The following LARP4B variants were observed in gnomAD, a reference collection of about 807,000 sequenced individuals.
LARP4B encodes the protein La ribonucleoprotein 4B, also known as la-related protein 4B.
In LARP4B, 12 loss-of-function variants were observed where a neutral mutation model predicts 89.8. The observed-to-expected ratio is 0.13, with a 90% CI of 0.09 to 0.22. The LOEUF (loss-of-function observed/expected upper bound fraction) is 0.22, where lower values mean the gene tolerates loss of function less well. LARP4B is among the 10% of genes least tolerant of loss of function. The probability of loss-of-function intolerance (pLI) is 1.00; values close to 1 mark genes in which losing one functional copy is unlikely to be tolerated. For synonymous variants in LARP4B, 367 were observed against 363.3 expected, an observed-to-expected ratio of 1.01 and a Z score of -0.12; for missense variants, 757 against 947.7, an observed-to-expected ratio of 0.80 and a Z score of 2.64.
At chr10:833,081 G>A (rs1195539636) in intron 8 of LARP4B, among the ~76,000 whole-genome samples, 1 of 151,858 alleles carries the variant, frequency 6.6e-6, no homozygotes, top group Non-Finnish European at 1.5e-5. Context: ...AGGTAAAGAG[G>A]CATGGTGCTC....
intron 5 of LARP4B, among the ~76,000 whole-genome samples, chr10:859,986 C>T (rs1254029783): frequency 6.6e-6 from 1 of 151,914 alleles, no homozygotes; most frequent in East Asian, 1.9e-4. Flanking sequence ...ACCCACAGAA[C>T]GTACAACACC....
the LARP4B span, among the ~76,000 whole-genome samples, chr10:959,480 A>C: frequency 6.6e-5 from 1 of 15,062 alleles, no homozygotes; most frequent in African/African-American, 2.5e-4. Flanking sequence ...CCCGTCAACC[A>C]CCTCCCCGTC....
chr10:922,348 CT>C (rs1837004410), intron 1 of LARP4B, among the ~76,000 whole-genome samples: 1 of 152,164 alleles, frequency 6.6e-6, no homozygotes, highest in African/African-American at 2.4e-5. Context: ...GTCGGACAAC[CT>C]GGGAGTTAGG....
At chr10:840,186 A>G (rs1305851218) in intron 7 of LARP4B, among the ~76,000 whole-genome samples, 1 of 152,156 alleles carries the variant, frequency 6.6e-6, no homozygotes, top group Non-Finnish European at 1.5e-5. Flanking sequence ...TCATGGGTGT[A>G]TAAATATGTT....
At chr10:909,095 T>A (rs191782158) in intron 1 of LARP4B, among the ~76,000 whole-genome samples, 5 of 151,642 alleles carry the variant, frequency 3.3e-5, no homozygotes, top group Non-Finnish European at 7.4e-5. Flanking sequence ...GAGATCAAGA[T>A]CATCCTGGCT....
intron 3 of LARP4B, among the ~76,000 whole-genome samples, chr10:866,631 C>T (rs1206905006): frequency 2.0e-5 from 3 of 152,312 alleles, no homozygotes; most frequent in South Asian, 2.1e-4. Context: ...CCTAATTAGA[C>T]CCAGTCTGTT....
At chr10:984,307 A>G in the LARP4B span, among the ~76,000 whole-genome samples, 7 of 152,240 alleles carry the variant, frequency 4.6e-5, no homozygotes, top group Non-Finnish European at 1.0e-4. Flanking sequence ...ATTTAGAATC[A>G]TTTGGAAATT....
rs532269334 is a variant in LARP4B, at chr10:867,896, C to T, written c.142-3626G>A. On this transcript the variant is annotated intron_variant, in intron 3 of 17. Coordinates refer to ENST00000316157, the MANE Select transcript of LARP4B (RefSeq NM_015155.3). ...AAAAAAAAAAAAAAAACTCCAGTGT[C>T]GTCTGCTTGACTATAAGTCTTATTT... Among the ~76,000 whole-genome samples, 569 of 145,678 alleles carry T rather than the reference C, an allele frequency of 3.9e-3. 1 individual carries two copies. Among genetic ancestry groups the T allele is most frequent in the Non-Finnish European group, 6.6e-3 (439 of 66,754 alleles).
intron 5 of LARP4B, among the ~76,000 whole-genome samples, chr10:859,234 G>C (rs911663621): frequency 1.3e-5 from 2 of 149,670 alleles, no homozygotes; most frequent in Non-Finnish European, 1.5e-5. Context: ...AGCTGAGATT[G>C]CTCCAGTGCA....
rs947404 is a variant in LARP4B, at chr10:877,035, A to T, written c.141+7412T>A. ...CTGAGGTGACTAAGGAGCAATGCAC[A>T]GGATGTGGGGAGCAGAGGTCCGAGG... On this transcript the variant is annotated intron_variant, in intron 3 of 17. Coordinates refer to ENST00000316157, the MANE Select transcript of LARP4B (RefSeq NM_015155.3). Among the ~76,000 whole-genome samples, 9 of 152,298 alleles carry T rather than the reference A, an allele frequency of 5.9e-5. No homozygotes were observed. The South Asian group carries it at 1.0e-3, about 18-fold the overall frequency.
chr10:879,325 T>C (rs1835578727), intron 3 of LARP4B, among the ~76,000 whole-genome samples: 1 of 152,184 alleles, frequency 6.6e-6, no homozygotes, highest in Non-Finnish European at 1.5e-5. Context: ...CTGGGGCAAG[T>C]TCTCCGAAGT....
intron 1 of LARP4B, among the ~76,000 whole-genome samples, chr10:915,720 C>T (rs952016452): frequency 2.2e-4 from 33 of 148,532 alleles, no homozygotes; most frequent in Non-Finnish European, 4.4e-4. Context: ...AAGAGAATAG[C>T]GACTCAGGAG....
At chr10:879,559 G>A (rs1372604491) in intron 3 of LARP4B, among the ~76,000 whole-genome samples, 1 of 151,446 alleles carries the variant, frequency 6.6e-6, no homozygotes, top group Admixed American at 6.6e-5. Context: ...GTGCAGTGGT[G>A]CAATCACAGC....
At chr10:923,197 T>C (rs933990626) in intron 1 of LARP4B, among the ~76,000 whole-genome samples, 9 of 152,248 alleles carry the variant, frequency 5.9e-5, no homozygotes, top group Admixed American at 3.3e-4. Context: ...TAAATGTTTT[T>C]AACCTCCTAA....
chr10:931,884 T>C (rs1239533264), upstream of LARP4B, among the ~76,000 whole-genome samples: 1 of 150,618 alleles, frequency 6.6e-6, no homozygotes, highest in Non-Finnish European at 1.5e-5. Context: ...CGCCGCCTTC[T>C]TGGCCTCTCC....
chr10:895,566 G>A (rs192705502), intron 1 of LARP4B, among the ~76,000 whole-genome samples: 21 of 151,684 alleles, frequency 1.4e-4, no homozygotes, highest in African/African-American at 5.1e-4. Flanking sequence ...CCAGCTACTC[G>A]GGAGGCTGAA....
chr10:837,401 C>T (rs1210435390), intron 7 of LARP4B, among the ~76,000 whole-genome samples: 6 of 152,128 alleles, frequency 3.9e-5, no homozygotes, highest in African/African-American at 1.4e-4. Flanking sequence ...GAATTCTTCT[C>T]GAGTGAATTT....
At chr10:971,195 A>G in the LARP4B span, 31 of 152,352 alleles carry the variant, frequency 2.0e-4, no homozygotes, top group African/African-American at 7.2e-4. Context: ...TTTGGTTCTA[A>G]TATCAAAGCA....
the LARP4B span, among the ~76,000 whole-genome samples, chr10:937,746 C>T: frequency 1.3e-5 from 2 of 152,180 alleles, no homozygotes; most frequent in Non-Finnish European, 1.5e-5. Flanking sequence ...ACAATGAACA[C>T]TTCAGGAAGT....
Sources: allele counts gnomAD v4.1 joint callset (sites outside exome capture counted in the v4.1 genomes callset), GRCh38; gene constraint gnomAD v4.1.1; transcripts MANE v1.5; gene names NCBI Gene and HGNC (gene_info 2026-07-23, HGNC 2026-07-21).